Variants in CSMD1 observed in about 807,000 individuals in gnomAD.
CSMD1 encodes the protein CUB and sushi domain-containing protein 1.
A neutral mutation model predicts 417.5 loss-of-function variants in CSMD1; 213 were observed. That is an observed-to-expected ratio of 0.51 (90% confidence interval 0.46 to 0.57). The LOEUF is 0.57. CSMD1 is among the 20% of genes least tolerant of loss of function. The pLI is 0.00. For missense variants in CSMD1, 6,923 were observed against 4,529.7 expected (o/e 1.53, Z -15.17); for synonymous variants, 2,862 against 1,736.8 (o/e 1.65, Z -16.11).
At chr8:4,533,745 A>G (rs1179849280) in intron 2 of CSMD1, among the ~76,000 whole-genome samples, 1 of 152,000 alleles carries the variant, frequency 6.6e-6, no homozygotes, top group Non-Finnish European at 1.5e-5. Flanking sequence ...TGGAATTAGC[A>G]ATAGTATTAC....
intron 1 of CSMD1, among the ~76,000 whole-genome samples, chr8:4,705,850 G>A (rs538081896): frequency 6.6e-6 from 1 of 152,158 alleles, no homozygotes; most frequent in African/African-American, 2.4e-5. Flanking sequence ...TGAGTGTCCT[G>A]GGGGCACTTT....
intron 68 of CSMD1, among the ~76,000 whole-genome samples, chr8:2,947,928 C>CT (rs34597121): frequency 0.19 from 26,984 of 141,594 alleles, 2,419 homozygotes; most frequent in African/African-American, 0.22. Context: ...ATTAATTATC[C>CT]TTTTTTTTTT....
intron 3 of CSMD1, among the ~76,000 whole-genome samples, chr8:4,232,864 G>A (rs931300163): frequency 6.6e-6 from 1 of 152,074 alleles, no homozygotes; most frequent in Non-Finnish European, 1.5e-5. Context: ...TATTTTAGGG[G>A]CAACAATCTT....
At chr8:4,449,478 C>G (rs770558219) in intron 2 of CSMD1, among the ~76,000 whole-genome samples, 6 of 152,140 alleles carry the variant, frequency 3.9e-5, no homozygotes, top group Admixed American at 6.5e-5. Context: ...AAACCATCAT[C>G]CTTCAGTGTA....
intron 3 of CSMD1, among the ~76,000 whole-genome samples, chr8:4,066,100 T>C (rs957322394): frequency 6.6e-6 from 1 of 152,218 alleles, no homozygotes; most frequent in Non-Finnish European, 1.5e-5. Flanking sequence ...AAAACAGTTC[T>C]GAGCTTCCCC....
chr8:3,050,239 C>A (rs564762822), intron 50 of CSMD1, among the ~76,000 whole-genome samples: 1 of 151,746 alleles, frequency 6.6e-6, no homozygotes, highest in Non-Finnish European at 1.5e-5. Context: ...AGTAGAGAAC[C>A]ACTGGCATTA....
At chr8:3,664,574 G>C (rs1054156790) in intron 7 of CSMD1, among the ~76,000 whole-genome samples, 1 of 152,234 alleles carries the variant, frequency 6.6e-6, no homozygotes, top group Non-Finnish European at 1.5e-5. Flanking sequence ...AAAGCAAAGA[G>C]ACTGAGGAGT....
chr8:4,936,459 C>G (rs367955039), intron 1 of CSMD1, among the ~76,000 whole-genome samples: 1 of 152,144 alleles, frequency 6.6e-6, no homozygotes, highest in Non-Finnish European at 1.5e-5. Context: ...TCCAGAACAT[C>G]TTATTATTTC....
rs4875703 is a variant in CSMD1, at chr8:3,367,039, T to A, written c.3108A>T (p.Thr1036=). ...CAAACAAGACCAACATACCTGAAAA[T>A]GTGATATTGAAGCCCTCGTACGAAA... ...FSISYEGFNI[T]FSEYDLEPCD... is the part of the protein sequence containing the mutation. The change falls in exon 20 of 70, where the codon ACA becomes ACT. Residue 1036 remains threonine, a synonymous_variant. Transcript: ENST00000635120. 9 of 1,611,104 alleles carry A rather than the reference T, an allele frequency of 5.6e-6. No homozygotes were observed. Among genetic ancestry groups the A allele is most frequent in the Non-Finnish European group, 7.6e-6 (9 of 1,178,146 alleles).
rs572085095 is a variant in CSMD1 at position 3,472,729 on chromosome 8, C to T, written c.1449-3905G>A. ...ATTTTTCTCAAGCCCATTCCCAGCC[C>T]TTATTTCTTCTGTTCTCAGCAGATA... is the stretch of plus-strand genomic sequence containing the variant. On this transcript the variant is annotated intron_variant, in intron 11 of 69. Transcript: ENST00000635120. Among the ~76,000 whole-genome samples the T allele has an allele frequency of 1.1e-4, 17 of 152,198 alleles. No homozygotes were observed. In the East Asian group the frequency reaches 2.9e-3, roughly 26 times the overall value.
At chr8:3,125,731 C>G (rs1400506996) in intron 41 of CSMD1, among the ~76,000 whole-genome samples, 3 of 152,322 alleles carry the variant, frequency 2.0e-5, no homozygotes, top group Non-Finnish European at 4.4e-5. Flanking sequence ...AATCCCAGCA[C>G]TTTGGGAGGC....
intron 3 of CSMD1, among the ~76,000 whole-genome samples, chr8:4,359,909 T>G (rs771475102): frequency 6.6e-6 from 1 of 152,202 alleles, no homozygotes; most frequent in Non-Finnish European, 1.5e-5. Flanking sequence ...TAACCACAGT[T>G]TAAAACATCA....
At chr8:3,736,555 G>C (rs1796529781) in intron 6 of CSMD1, among the ~76,000 whole-genome samples, 1 of 152,140 alleles carries the variant, frequency 6.6e-6, no homozygotes, top group South Asian at 2.1e-4. Flanking sequence ...ATCATTTCCA[G>C]TGTGTCTACC....
At chr8:3,609,698 T>G (rs1046697600) in intron 8 of CSMD1, among the ~76,000 whole-genome samples, 3 of 151,254 alleles carry the variant, frequency 2.0e-5, no homozygotes, top group Non-Finnish European at 4.4e-5. Context: ...GGTTGTTAGT[T>G]TGGATTACAT....
chr8:4,535,833 G>A (rs998891519), intron 2 of CSMD1, among the ~76,000 whole-genome samples: 2 of 152,144 alleles, frequency 1.3e-5, no homozygotes, highest in Non-Finnish European at 2.9e-5. Flanking sequence ...AATACATCGT[G>A]AGTTCACACT....
At position 4,475,512 on chromosome 8, in the gene CSMD1, T is replaced by A. The variant is rs928221099; in HGVS notation, c.303-55447A>T. 2.6e-5 allele frequency among the ~76,000 whole-genome samples: 4 copies of A among 152,208 alleles called. No individual in the cohort carries two copies. In the South Asian group the frequency reaches 8.3e-4, roughly 32 times the overall value. ...GAATTGTGTTTTTTAGAGAAAAACA[T>A]GGACTCAGAGATAACTAGAAAGTTT... is the stretch of plus-strand genomic sequence containing the variant. On this transcript the variant is annotated intron_variant, in intron 2 of 69. Coordinates refer to ENST00000635120, the MANE Select transcript of CSMD1 (RefSeq NM_033225.6).
intron 57 of CSMD1, among the ~76,000 whole-genome samples, chr8:2,967,495 G>A (rs1032046511): frequency 7.2e-5 from 11 of 152,130 alleles, no homozygotes; most frequent in Admixed American, 2.6e-4. Context: ...CTCGGCTGCC[G>A]CTGGGTACGT....
intron 1 of CSMD1, among the ~76,000 whole-genome samples, chr8:4,925,066 T>G (rs1337809514): frequency 6.6e-6 from 1 of 152,174 alleles, no homozygotes; most frequent in Admixed American, 6.5e-5. Context: ...TAGTTTGGGT[T>G]GTTATCAAGC....
At chr8:4,847,703 C>G (rs1354328061) in intron 1 of CSMD1, among the ~76,000 whole-genome samples, 3 of 151,256 alleles carry the variant, frequency 2.0e-5, no homozygotes, top group Admixed American at 6.6e-5. Flanking sequence ...CCTGACTTTT[C>G]TTGTTCTTCA....
Sources: allele counts gnomAD v4.1 joint callset (sites outside exome capture counted in the v4.1 genomes callset), GRCh38; gene constraint gnomAD v4.1.1; transcripts MANE v1.5; gene names NCBI Gene and HGNC (gene_info 2026-07-23, HGNC 2026-07-21).